Variants in ERC2 observed in about 807,000 individuals in gnomAD.
ERC2 encodes ERC protein 2.
In ERC2, 42 loss-of-function variants were observed where a neutral mutation model predicts 114.8. The ratio of observed to expected loss-of-function variants is 0.37; its 90% CI spans 0.29 to 0.47. The LOEUF is 0.47. Among genes scored for constraint, ERC2 ranks in the 20% least tolerant of loss-of-function variants. The pLI is 0.99. For synonymous variants in ERC2, 454 were observed against 425.5 expected, an observed-to-expected ratio of 1.07 and a Z score of -0.82; for missense variants, 939 against 1,150.7, an observed-to-expected ratio of 0.82 and a Z score of 2.66.
chr3:55,799,450 CATATATATATATAT>C (rs59209006), intron 14 of ERC2, among the ~76,000 whole-genome samples: 16 of 106,192 alleles, frequency 1.5e-4, no homozygotes, highest in Admixed American at 1.1e-3. Flanking sequence ...TATATATATG[CATATATATATATAT>C]ATATATATAT....
intron 14 of ERC2, among the ~76,000 whole-genome samples, chr3:55,829,594 A>G (rs1575745538): frequency 6.6e-6 from 1 of 152,326 alleles, no homozygotes; most frequent in East Asian, 1.9e-4. Context: ...GTCTTACTGA[A>G]GTTTCAACCT....
chr3:55,692,985 G>A (rs1336697390), intron 16 of ERC2, among the ~76,000 whole-genome samples: 1 of 152,134 alleles, frequency 6.6e-6, no homozygotes, highest in African/African-American at 2.4e-5. Flanking sequence ...GAATTCTATG[G>A]GAATTTTCAG....
chr3:56,428,620 A>C (rs1234176883), intron 2 of ERC2, among the ~76,000 whole-genome samples: 1 of 152,242 alleles, frequency 6.6e-6, no homozygotes, highest in Admixed American at 6.5e-5. Flanking sequence ...AAGCAGTAAT[A>C]ATAAAGGAAA....
At chr3:56,209,996 C>A (rs184726055) in intron 3 of ERC2, among the ~76,000 whole-genome samples, 149 of 152,180 alleles carry the variant, frequency 9.8e-4, no homozygotes, top group African/African-American at 3.4e-3. Context: ...CAAGCAGAAA[C>A]CTTTAAAGTA....
intron 14 of ERC2, among the ~76,000 whole-genome samples, chr3:55,883,360 G>T (rs2063199801): frequency 2.0e-5 from 3 of 152,274 alleles, no homozygotes; most frequent in African/African-American, 7.2e-5. Context: ...TGTGGCACAT[G>T]TCCCAAAATG....
At chr3:56,033,306 A>C (rs1272080524) in intron 7 of ERC2, among the ~76,000 whole-genome samples, 2 of 152,148 alleles carry the variant, frequency 1.3e-5, no homozygotes, top group African/African-American at 2.4e-5. Context: ...TTGTAGCTAT[A>C]GTTATTTTTA....
intron 16 of ERC2, among the ~76,000 whole-genome samples, chr3:55,691,513 A>G (rs1300498436): frequency 1.4e-5 from 2 of 141,340 alleles, no homozygotes; most frequent in Non-Finnish European, 3.0e-5. Context: ...GCTCCTTCCA[A>G]GAAGTGGGCC....
chr3:55,877,515 C>CT (rs369593635), intron 14 of ERC2, among the ~76,000 whole-genome samples: 5,989 of 140,556 alleles, frequency 0.043, 137 homozygotes, highest in African/African-American at 0.05. Flanking sequence ...TTTATTTTTT[C>CT]TTTTTTTTTT....
chr3:55,699,548 G>T (rs775259390), intron 15 of ERC2, 36 bp from the exon 16 acceptor site: 1 of 1,571,782 alleles, frequency 6.4e-7, no homozygotes, highest in South Asian at 1.2e-5. Context: ...ATTCCATCAG[G>T]AGCCAGAAGA....
intron 14 of ERC2, among the ~76,000 whole-genome samples, chr3:55,867,072 G>C (rs534200009): frequency 6.6e-6 from 1 of 151,778 alleles, no homozygotes; most frequent in East Asian, 1.9e-4. Flanking sequence ...TTGCTTTTTG[G>C]TGTTATTTAT....
intron 3 of ERC2, among the ~76,000 whole-genome samples, chr3:56,237,415 C>T (rs1490351820): frequency 6.6e-6 from 1 of 152,160 alleles, no homozygotes; most frequent in African/African-American, 2.4e-5. Flanking sequence ...ATGGATATAT[C>T]CACCCTTTGA....
At chr3:55,952,561 G>A (rs1344180388) in intron 12 of ERC2, among the ~76,000 whole-genome samples, 1 of 152,070 alleles carries the variant, frequency 6.6e-6, no homozygotes, top group Admixed American at 6.6e-5. Flanking sequence ...CAGTTCCTTA[G>A]GAAATAAGGC....
chr3:56,441,368 C>T (rs2062298547), intron 1 of ERC2, among the ~76,000 whole-genome samples: 1 of 152,178 alleles, frequency 6.6e-6, no homozygotes, highest in Non-Finnish European at 1.5e-5. Flanking sequence ...GACCACCAAT[C>T]AACCCACTGA....
Position 56,139,603 on chromosome 3 carries a change from A to C in ERC2, c.1379T>G (p.Leu460Arg), listed in dbSNP as rs372858834. ...LLALQTKLET[L>R]SNQNSDCKQH... ...CTTGCAATCTGAATTTTGATTGCTG[A>C]GGGTTTCAAGCTTTGTTTGTAAGGC... The change falls in exon 6 of 18, where the codon CTC becomes CGC. Residue 460 changes from leucine to arginine, a missense_variant. Physicochemically the swap from Leu to Arg is moderately radical, Grantham distance 102. Transcript: ENST00000288221. The C allele has an allele frequency of 1.2e-6, 2 of 1,613,320 alleles. No homozygotes were observed. Among genetic ancestry groups the C allele is most frequent in the African/African-American group, 1.3e-5 (1 of 75,054 alleles).
At chr3:55,952,169 ACACACACACACT>A (rs1414628364) in intron 12 of ERC2, among the ~76,000 whole-genome samples, 18 of 61,248 alleles carry the variant, frequency 2.9e-4, no homozygotes, top group African/African-American at 7.9e-4. Context: ...ACACACACAC[ACACACACACACT>A]CTCTCTCTCT....
chr3:56,173,723 C>T (rs914977249), intron 3 of ERC2: 6 of 536,130 alleles, frequency 1.1e-5, no homozygotes, highest in Non-Finnish European at 2.0e-5. Context: ...GGCACATGCG[C>T]TATTTCTGAA....
At chr3:56,394,697 T>A (rs754375784) in intron 2 of ERC2, among the ~76,000 whole-genome samples, 12 of 152,056 alleles carry the variant, frequency 7.9e-5, no homozygotes, top group Non-Finnish European at 2.9e-5. Context: ...ACGGCTATAA[T>A]CAAAAAGTCA....
chr3:56,170,941 T>A (rs1315813593), intron 4 of ERC2, among the ~76,000 whole-genome samples: 2 of 151,836 alleles, frequency 1.3e-5, no homozygotes, highest in African/African-American at 2.4e-5. Context: ...ATTTTTTGTA[T>A]TTTTTAGTAG....
intron 3 of ERC2, among the ~76,000 whole-genome samples, chr3:56,203,092 T>A (rs188311753): frequency 9.8e-4 from 149 of 152,356 alleles, no homozygotes; most frequent in African/African-American, 3.4e-3. Flanking sequence ...GTATTGTACC[T>A]GGGCTCGTAT....
Sources: gnomAD v4.1 joint callset for allele counts (sites outside exome capture counted in the v4.1 genomes callset) on GRCh38, gnomAD v4.1.1 for gene constraint, MANE v1.5 for transcripts, NCBI Gene and HGNC (gene_info 2026-07-23, HGNC 2026-07-21) for gene names.